Variants in PCDHGA3 observed in about 807,000 individuals in gnomAD.
The protein encoded by PCDHGA3 is protocadherin gamma subfamily A, 3.
A neutral mutation model predicts 58.5 loss-of-function variants in PCDHGA3; 40 were observed. That is an observed-to-expected ratio of 0.68 (90% CI 0.53 to 0.89). PCDHGA3 has a LOEUF of 0.89. Ranked by LOEUF, PCDHGA3 falls within the 40% of genes least tolerant of loss-of-function variation. PCDHGA3 has a pLI of 0.00. For synonymous variants in PCDHGA3, 530 were observed against 525.7 expected (o/e 1.01, Z -0.11); for missense variants, 1,223 against 1,195.9 (o/e 1.02, Z -0.33).
intron 1 of PCDHGA3, among the ~76,000 whole-genome samples, chr5:141,443,829 A>G (rs1387307023): frequency 6.6e-6 from 1 of 152,228 alleles, no homozygotes; most frequent in Non-Finnish European, 1.5e-5. Flanking sequence ...ATAATTAGGT[A>G]AAATGGGTAA....
intron 1 of PCDHGA3, chr5:141,410,118 G>C: frequency 1.2e-6 from 2 of 1,612,422 alleles, no homozygotes; most frequent in African/African-American, 2.7e-5. Flanking sequence ...GACGCAGCCC[G>C]CCAGCGCCTG....
chr5:141,398,831 C>G (rs1488126013), intron 1 of PCDHGA3: 13 of 1,614,014 alleles, frequency 8.1e-6, no homozygotes, highest in Non-Finnish European at 1.1e-5. Context: ...GTAACCGACG[C>G]CAATGATAAT....
At chr5:141,501,333 A>C (rs200092587) in intron 2 of PCDHGA3, among the ~76,000 whole-genome samples, 397 of 140,104 alleles carry the variant, frequency 2.8e-3, no homozygotes, top group Non-Finnish European at 2.6e-3. Flanking sequence ...ACACACACAC[A>C]CCCCAAACTC....
chr5:141,398,985 A>T, intron 1 of PCDHGA3: 1 of 1,613,964 alleles, frequency 6.2e-7, no homozygotes, highest in Non-Finnish European at 8.5e-7. Flanking sequence ...GAACCGGGCA[A>T]ATCTTTAGTC....
At chr5:141,392,280 GCA>G (rs1460323134) in intron 1 of PCDHGA3, 2 of 152,190 alleles carry the variant, frequency 1.3e-5, no homozygotes, top group East Asian at 3.8e-4. Flanking sequence ...AAAGCTTAGA[GCA>G]CAATGGGAAA....
chr5:141,438,065 C>T (rs1385128405), intron 1 of PCDHGA3, among the ~76,000 whole-genome samples: 1 of 151,996 alleles, frequency 6.6e-6, no homozygotes, highest in Non-Finnish European at 1.5e-5. Flanking sequence ...TTTAAGAAAC[C>T]ATACTTAATG....
At chr5:141,366,172 A>G (rs559505576) in intron 1 of PCDHGA3, 15 of 1,614,076 alleles carry the variant, frequency 9.3e-6, no homozygotes, top group African/African-American at 8.0e-5. Context: ...CCAGCGAGCC[A>G]GGACTCTTTG....
At chr5:141,383,537 C>T in intron 1 of PCDHGA3, 1 of 1,612,570 alleles carries the variant, frequency 6.2e-7, no homozygotes, top group African/African-American at 1.3e-5. Flanking sequence ...CTGGTCCTCA[C>T]AGCCTCTGAT....
At chr5:141,456,504 T>G (rs781368588) in intron 1 of PCDHGA3, among the ~76,000 whole-genome samples, 1 of 152,148 alleles carries the variant, frequency 6.6e-6, no homozygotes, top group Non-Finnish European at 1.5e-5. Context: ...GGTTAACCAA[T>G]TCCATAAAGA....
chr5:141,426,090 T>G (rs545457395), intron 1 of PCDHGA3, among the ~76,000 whole-genome samples: 1 of 152,246 alleles, frequency 6.6e-6, no homozygotes, highest in African/African-American at 2.4e-5. Context: ...CAGGACGATA[T>G]TCTGTTCAGT....
At chr5:141,349,596 A>G (rs964490671) in intron 1 of PCDHGA3, among the ~76,000 whole-genome samples, 7 of 152,208 alleles carry the variant, frequency 4.6e-5, no homozygotes, top group African/African-American at 1.7e-4. Flanking sequence ...TGCAAAAACT[A>G]TTTTTGAAAA....
rs556099456 is a variant in PCDHGA3, at chr5:141,430,033, C to A, written c.2425-64774C>A. ...ACTTGGGTTCTTGTTAAGTGTGATT[C>A]TGATAATGTATACAATCACATATCA... On this transcript the variant is annotated intron_variant, in intron 1 of 3. Coordinates refer to ENST00000253812, the MANE Select transcript of PCDHGA3 (RefSeq NM_018916.4). 1.2e-4 allele frequency among the ~76,000 whole-genome samples: 18 copies of A among 152,184 alleles called. 1 individual carries two copies. In the South Asian group the frequency reaches 3.3e-3, roughly 28 times the overall value.
chr5:141,423,569 TC>T (rs2096755253), intron 1 of PCDHGA3: 1 of 1,613,362 alleles, frequency 6.2e-7, no homozygotes, highest in Non-Finnish European at 8.5e-7. Context: ...GACACGCTCA[TC>T]AGCCAGGAGA....
At position 141,511,140 on chromosome 5, in the gene PCDHGA3, C is replaced by G. The variant is rs1405623579; in HGVS notation, c.2766C>G (p.Asn922Lys). Residue 922 changes from asparagine (N) to lysine (K), a missense_variant, in exon 4 of 4, where the codon AAC becomes AAG. Physicochemically the swap from Asn to Lys is moderately conservative, Grantham distance 94. Transcript: ENST00000253812. ...AGGCCCCAGCAGGTGGCAATGGCAACAAGAAGAAGTCGGGCAAGAAGGAGA... is the reference window on the plus strand; with the variant it reads ...AGGCCCCAGCAGGTGGCAATGGCAAGAAGAAGAAGTCGGGCAAGAAGGAGA... Reference protein sequence around the residue: ...DGKAPAGGNGNKKKSGKKEKK With the variant: ...DGKAPAGGNGKKKKSGKKEKK 2.5e-6 allele frequency: 4 copies of G among 1,614,068 alleles called. No homozygotes were observed. Among genetic ancestry groups the G allele is most frequent in the Admixed American group, 1.7e-5 (1 of 60,008 alleles).
At chr5:141,433,560 G>A (rs1276743163) in intron 1 of PCDHGA3, among the ~76,000 whole-genome samples, 1 of 152,110 alleles carries the variant, frequency 6.6e-6, no homozygotes, top group East Asian at 1.9e-4. Flanking sequence ...TTCTGGCTGG[G>A]CGCGGTGGCT....
At chr5:141,383,848 A>G in intron 1 of PCDHGA3, 1 of 1,613,980 alleles carries the variant, frequency 6.2e-7, no homozygotes. Flanking sequence ...CTTCTATGAA[A>G]TGGAGGTTCA....
At chr5:141,422,745 C>G (rs1380262961) in intron 1 of PCDHGA3, 15 of 1,610,564 alleles carry the variant, frequency 9.3e-6, no homozygotes, top group Non-Finnish European at 1.3e-5. Flanking sequence ...CCTCCTATGT[C>G]TCTATTAACT....
At chr5:141,357,327 G>A (rs373544325) in intron 1 of PCDHGA3, 63 of 1,613,912 alleles carry the variant, frequency 3.9e-5, no homozygotes, top group Non-Finnish European at 4.9e-5. Context: ...CTTTTGTCAC[G>A]GTGCTGCTAG....
intron 1 of PCDHGA3, chr5:141,371,463 C>A (rs753028927): frequency 6.2e-7 from 1 of 1,613,952 alleles, no homozygotes; most frequent in Non-Finnish European, 8.5e-7. Context: ...CCAACATATA[C>A]AAGAAGATGC....
Sources: gnomAD v4.1 joint callset for allele counts (sites outside exome capture counted in the v4.1 genomes callset) on GRCh38, gnomAD v4.1.1 for gene constraint, MANE v1.5 for transcripts, NCBI Gene and HGNC (gene_info 2026-07-23, HGNC 2026-07-21) for gene names.